The following MED12L variants were observed in gnomAD, a reference collection of about 807,000 sequenced individuals.
MED12L encodes the protein mediator of RNA polymerase II transcription subunit 12-like protein.
Under a neutral mutation model 281.3 loss-of-function variants are expected in MED12L, and 60 were observed. That is an observed-to-expected ratio of 0.21 (90% CI 0.17 to 0.26). MED12L has a LOEUF of 0.26. Ranked by LOEUF, MED12L falls within the 10% of genes least tolerant of loss-of-function variation. The pLI, the probability that MED12L is intolerant of heterozygous loss-of-function variation, is 1.00. For synonymous variants in MED12L, 974 were observed against 987.2 expected (o/e 0.99, Z 0.25); for missense variants, 2,146 against 2,680.9 (o/e 0.80, Z 4.41).
At chr3:151,336,425 T>A in intron 16 of MED12L, 1 of 442,976 alleles carries the variant, frequency 2.3e-6, no homozygotes, top group South Asian at 1.6e-5. Context: ...TGTAGAGGGT[T>A]TCAATAAAAG....
rs754295759 is a variant in MED12L at position 151,160,108 on chromosome 3, C to T, written c.1107+7C>T. The T allele has an allele frequency of 5.3e-6, 8 of 1,516,308 alleles. No individual in the cohort carries two copies. Among genetic ancestry groups the T allele is most frequent in the Non-Finnish European group, 7.1e-6 (8 of 1,128,778 alleles). The allele number at this position is 1,516,308 out of a possible 1,614,324, so 93.9% of individuals were successfully genotyped here. Reference sequence around the variant, plus strand: ...ACTTAGTTGTATGTTGCAGGTAAGTCCTTGGCCCTTGTTATTTTATGTTAA... The same window carrying T: ...ACTTAGTTGTATGTTGCAGGTAAGTTCTTGGCCCTTGTTATTTTATGTTAA... On this transcript the variant is annotated splice_region_variant and intron_variant, in intron 8 of 44. Transcript: ENST00000687756.
At chr3:151,131,478 A>G (rs1330900419) in intron 5 of MED12L, among the ~76,000 whole-genome samples, 1 of 151,854 alleles carries the variant, frequency 6.6e-6, no homozygotes, top group East Asian at 1.9e-4. Flanking sequence ...GTGGTGGTGC[A>G]CACCTGTATT....
chr3:151,352,164 G>A (rs1195563809), intron 17 of MED12L, among the ~76,000 whole-genome samples: 1 of 152,024 alleles, frequency 6.6e-6, no homozygotes, highest in Non-Finnish European at 1.5e-5. Flanking sequence ...TTTCTCTTGG[G>A]GATGCTTAAT....
chr3:151,416,528 C>A, intron 43 of MED12L, 106 bp downstream of exon 43: 1 of 1,249,376 alleles, frequency 8.0e-7, no homozygotes, highest in Non-Finnish European at 1.1e-6. Flanking sequence ...CCTAAGTATA[C>A]CCTAAAAATT....
intron 28 of MED12L, 36 bp downstream of exon 28, chr3:151,376,250 T>C: frequency 7.5e-7 from 1 of 1,341,270 alleles, no homozygotes; most frequent in South Asian, 2.3e-5. Context: ...TGTCATTTGA[T>C]AAATTCTTCG....
intron 3 of MED12L, among the ~76,000 whole-genome samples, chr3:151,120,056 T>TA (rs35163584): frequency 0.15 from 17,559 of 118,264 alleles, 1,171 homozygotes; most frequent in Non-Finnish European, 0.18. Context: ...CTGTCTCTAC[T>TA]AAAAAAAAAA....
At chr3:151,103,155 C>T (rs1333486019) in intron 2 of MED12L, among the ~76,000 whole-genome samples, 1 of 150,658 alleles carries the variant, frequency 6.6e-6, no homozygotes, top group Non-Finnish European at 1.5e-5. Context: ...TAATTCTGGG[C>T]AGAATAAACT....
At chr3:151,088,792 A>G (rs1482139433) in intron 2 of MED12L, among the ~76,000 whole-genome samples, 2 of 152,222 alleles carry the variant, frequency 1.3e-5, no homozygotes, top group East Asian at 3.8e-4. Context: ...ACCAAGGTGT[A>G]TAGGTGAATA....
intron 16 of MED12L, among the ~76,000 whole-genome samples, chr3:151,329,319 ATAC>A (rs894020454): frequency 6.6e-6 from 1 of 152,208 alleles, no homozygotes; most frequent in Non-Finnish European, 1.5e-5. Flanking sequence ...AGAGATAATA[ATAC>A]ATTATTATTA....
chr3:151,211,385 G>T (rs1235335369), intron 16 of MED12L, among the ~76,000 whole-genome samples: 15 of 138,280 alleles, frequency 1.1e-4, no homozygotes, highest in Non-Finnish European at 1.2e-4. Flanking sequence ...TTTTTGTTTC[G>T]TTTTTGTTTT....
intron 38 of MED12L, among the ~76,000 whole-genome samples, chr3:151,392,469 A>AG (rs1714381922): frequency 6.2e-5 from 4 of 64,290 alleles, no homozygotes; most frequent in Middle Eastern, 8.6e-3. Flanking sequence ...CATCTCAAGA[A>AG]AAAAAAAAAA....
At chr3:151,181,561 T>C (rs1052604669) in intron 11 of MED12L, among the ~76,000 whole-genome samples, 27 of 149,300 alleles carry the variant, frequency 1.8e-4, no homozygotes, top group Non-Finnish European at 2.1e-4. Flanking sequence ...CATGCCACTG[T>C]ACTTAGCTCA....
At chr3:151,252,012 G>A (rs569050217) in intron 16 of MED12L, among the ~76,000 whole-genome samples, 2 of 152,172 alleles carry the variant, frequency 1.3e-5, no homozygotes, top group African/African-American at 2.4e-5. Flanking sequence ...TAATTTGTCT[G>A]AGTTCTATTT....
intron 16 of MED12L, among the ~76,000 whole-genome samples, chr3:151,251,311 T>C (rs1736809426): frequency 6.6e-6 from 1 of 152,186 alleles, no homozygotes; most frequent in African/African-American, 2.4e-5. Context: ...CATCTACCCA[T>C]TACCCAAGCT....
chr3:151,380,615 A>T (rs1712114510), intron 32 of MED12L, among the ~76,000 whole-genome samples: 1 of 149,278 alleles, frequency 6.7e-6, no homozygotes, highest in South Asian at 2.1e-4. Flanking sequence ...AAAAAAAAAA[A>T]CAACTAGTAA....
rs1233484146 is a variant in MED12L at position 151,390,102 on chromosome 3, G to A, written c.5575G>A (p.Gly1859Ser). 8 of 1,614,070 alleles carry A rather than the reference G, an allele frequency of 5.0e-6. No individual in the cohort carries two copies. Among genetic ancestry groups the A allele is most frequent in the Admixed American group, 1.7e-5 (1 of 60,008 alleles). The change falls in exon 38 of 45, where the codon GGC becomes AGC. Residue 1859 changes from glycine to serine, a missense_variant. This residue lies in a region of MED12L where 496 missense variants were observed against 512.0 expected (regional missense o/e 0.97). Coordinates refer to ENST00000687756, the MANE Select transcript of MED12L (RefSeq NM_001393769.1). The stretch of plus-strand genomic sequence containing the variant: ...CCTCGTGGGCCAGCCCCAGCAGCCC[G>A]GCTTTTTCCTTCAGAACCAATCTCT... ...YNLVGQPQQP[G>S]FFLQNQSLTP...
intron 16 of MED12L, among the ~76,000 whole-genome samples, chr3:151,310,836 C>G (rs942626159): frequency 2.6e-5 from 4 of 151,968 alleles, no homozygotes; most frequent in African/African-American, 9.7e-5. Context: ...GGAAGGAGAG[C>G]TTAGTTGGCT....
intron 44 of MED12L, among the ~76,000 whole-genome samples, chr3:151,431,807 T>G (rs1306562275): frequency 1.3e-5 from 2 of 152,238 alleles, no homozygotes; most frequent in African/African-American, 4.8e-5. Flanking sequence ...ACCCAGGCAC[T>G]AGGACTTTCC....
intron 16 of MED12L, among the ~76,000 whole-genome samples, chr3:151,331,873 A>C (rs934589769): frequency 3.9e-5 from 6 of 152,222 alleles, no homozygotes; most frequent in Non-Finnish European, 5.9e-5. Flanking sequence ...CATATCATGC[A>C]ACCCAAATCT....
Sources: allele counts gnomAD v4.1 joint callset (sites outside exome capture counted in the v4.1 genomes callset), GRCh38; gene constraint gnomAD v4.1.1; regional missense constraint gnomAD v4.1.1; transcripts MANE v1.5; gene names NCBI Gene and HGNC (gene_info 2026-07-23, HGNC 2026-07-21).